The following MACROD2 variants were observed in gnomAD, a reference collection of about 807,000 sequenced individuals.
MACROD2 encodes the protein mono-ADP ribosylhydrolase 2.
Under a neutral mutation model 70.4 loss-of-function variants are expected in MACROD2, and 36 were observed. That is an observed-to-expected ratio of 0.51 (90% CI 0.39 to 0.68). MACROD2 has a LOEUF of 0.68. Among genes scored for constraint, MACROD2 ranks in the 30% least tolerant of loss-of-function variants. MACROD2 has a pLI of 0.00. For synonymous variants in MACROD2, 172 were observed against 178.8 expected, an observed-to-expected ratio of 0.96 and a Z score of 0.30; for missense variants, 496 against 538.4, an observed-to-expected ratio of 0.92 and a Z score of 0.78.
At chr20:14,282,661 G>A (rs1315163610) in intron 3 of MACROD2, among the ~76,000 whole-genome samples, 1 of 152,142 alleles carries the variant, frequency 6.6e-6, no homozygotes, top group Non-Finnish European at 1.5e-5. Flanking sequence ...TGTGGGAAGC[G>A]TGGTGCTGGC....
chr20:15,488,471 A>ACT, intron 7 of MACROD2, among the ~76,000 whole-genome samples: 1 of 152,340 alleles, frequency 6.6e-6, no homozygotes. Flanking sequence ...GTGGACACAC[A>ACT]ATAACCAAGC....
chr20:14,198,748 C>T (rs1460417241), intron 3 of MACROD2, among the ~76,000 whole-genome samples: 1 of 152,122 alleles, frequency 6.6e-6, no homozygotes, highest in South Asian at 2.1e-4. Context: ...TCTTTCCTCT[C>T]TCTTTCTCTT....
At chr20:15,237,051 G>T (rs1290246755) in intron 6 of MACROD2, among the ~76,000 whole-genome samples, 1 of 152,170 alleles carries the variant, frequency 6.6e-6, no homozygotes, top group Non-Finnish European at 1.5e-5. Flanking sequence ...CAGGGACAGG[G>T]ATGTTGTGAC....
chr20:15,050,431 A>C (rs2075430200), intron 5 of MACROD2, among the ~76,000 whole-genome samples: 1 of 152,156 alleles, frequency 6.6e-6, no homozygotes, highest in South Asian at 2.1e-4. Context: ...ACAAAATAAA[A>C]ATACTCGATA....
intron 6 of MACROD2, among the ~76,000 whole-genome samples, chr20:15,375,456 T>G (rs2045549736): frequency 6.6e-6 from 1 of 152,146 alleles, no homozygotes; most frequent in South Asian, 2.1e-4. Flanking sequence ...CTTCTAATTA[T>G]GAAGCACGAA....
intron 3 of MACROD2, among the ~76,000 whole-genome samples, chr20:14,355,069 A>G (rs2083159885): frequency 6.6e-6 from 1 of 152,146 alleles, no homozygotes; most frequent in African/African-American, 2.4e-5. Context: ...ATGTCTTTCT[A>G]TTGTGAACAG....
chr20:15,359,005 C>T (rs953715535), intron 6 of MACROD2, among the ~76,000 whole-genome samples: 5 of 152,100 alleles, frequency 3.3e-5, no homozygotes, highest in African/African-American at 9.7e-5. Context: ...TCCTCTTCAA[C>T]GTGCTATTCT....
intron 15 of MACROD2, among the ~76,000 whole-genome samples, chr20:16,022,644 A>C (rs556772958): frequency 6.6e-6 from 1 of 152,222 alleles, no homozygotes. Flanking sequence ...TCCAATGCAG[A>C]TGGTTCCTGG....
intron 3 of MACROD2, among the ~76,000 whole-genome samples, chr20:14,403,763 T>A (rs2083662831): frequency 6.6e-6 from 1 of 152,138 alleles, no homozygotes; most frequent in Non-Finnish European, 1.5e-5. Context: ...GTACCCTAAT[T>A]GACTTGGAAC....
intron 5 of MACROD2, among the ~76,000 whole-genome samples, chr20:15,220,410 A>G (rs1236319238): frequency 6.6e-6 from 1 of 152,246 alleles, no homozygotes; most frequent in East Asian, 1.9e-4. Context: ...CAGTGGAAGC[A>G]TCGAGTCACT....
At position 16,049,855 on chromosome 20, in the gene MACROD2, A is replaced by G. The variant is rs761493934; in HGVS notation, c.1326A>G (p.Glu442=). The change falls in exon 18 of 18, where the codon GAA becomes GAG. Residue 442 remains glutamate (E), a synonymous_variant. Transcript: ENST00000684519. ...CAGGGGCACAAGATGAAGCGAAGGAACAAAGAAATGGAACTAAATGACAAT... is the reference window on the plus strand; with the variant it reads ...CAGGGGCACAAGATGAAGCGAAGGAGCAAAGAAATGGAACTAAATGACAAT... The part of the protein sequence containing the change: ...LIAGAQDEAK[E]QRNGTK 7 of 1,612,556 alleles carry G rather than the reference A, an allele frequency of 4.3e-6. No homozygotes were observed. The South Asian group carries it at 5.5e-5, about 13-fold the overall frequency.
chr20:16,002,406 GAGA>G (rs2066722105), intron 15 of MACROD2, among the ~76,000 whole-genome samples: 2 of 151,982 alleles, frequency 1.3e-5, no homozygotes, highest in Admixed American at 1.3e-4. Context: ...GGCTTGAAAA[GAGA>G]AGAATGTCCT....
At chr20:15,585,924 A>G (rs1004405151) in intron 8 of MACROD2, among the ~76,000 whole-genome samples, 3 of 152,140 alleles carry the variant, frequency 2.0e-5, no homozygotes, top group South Asian at 2.1e-4. Flanking sequence ...TTCCTTTACT[A>G]TTAACCAAAG....
chr20:14,236,143 T>C (rs1454174800), intron 3 of MACROD2, among the ~76,000 whole-genome samples: 2 of 152,170 alleles, frequency 1.3e-5, no homozygotes, highest in African/African-American at 4.8e-5. Flanking sequence ...AATTCATGTG[T>C]ATTTTTGAAA....
At chr20:14,374,439 C>T (rs1026530936) in intron 3 of MACROD2, among the ~76,000 whole-genome samples, 2 of 152,096 alleles carry the variant, frequency 1.3e-5, no homozygotes, top group Non-Finnish European at 2.9e-5. Flanking sequence ...ATCTGCAAGT[C>T]AGAGGTCAAA....
intron 8 of MACROD2, among the ~76,000 whole-genome samples, chr20:15,572,891 T>A (rs1350570976): frequency 2.0e-5 from 3 of 152,134 alleles, no homozygotes; most frequent in African/African-American, 7.2e-5. Context: ...GTAAATCAAT[T>A]TTTAACTACA....
At chr20:14,695,825 T>A (rs997643388) in intron 5 of MACROD2, among the ~76,000 whole-genome samples, 1 of 152,214 alleles carries the variant, frequency 6.6e-6, no homozygotes, top group Non-Finnish European at 1.5e-5. Context: ...GCCAGAGGCA[T>A]CCAGCCAAGC....
chr20:14,469,207 G>A (rs2123041515), intron 3 of MACROD2, among the ~76,000 whole-genome samples: 1 of 152,218 alleles, frequency 6.6e-6, no homozygotes, highest in East Asian at 1.9e-4. Flanking sequence ...GCCTGTATAT[G>A]AAATTCAGGG....
chr20:15,210,373 A>G (rs1311611357), intron 5 of MACROD2, among the ~76,000 whole-genome samples: 1 of 151,840 alleles, frequency 6.6e-6, no homozygotes, highest in East Asian at 1.9e-4. Context: ...GAGTTAACAG[A>G]CTCTGTTTTC....
Sources: gnomAD v4.1 joint callset for allele counts (sites outside exome capture counted in the v4.1 genomes callset) on GRCh38, gnomAD v4.1.1 for gene constraint, MANE v1.5 for transcripts, NCBI Gene and HGNC (gene_info 2026-07-23, HGNC 2026-07-21) for gene names.